Variants in ERICH6B observed in about 807,000 individuals in gnomAD.
The protein encoded by ERICH6B is glutamate rich 6B.
ERICH6B carries 69 observed loss-of-function variants against 80.0 expected under a neutral mutation model. The observed-to-expected ratio is 0.86, with a 90% CI of 0.71 to 1.05. ERICH6B has a LOEUF of 1.05. Among genes scored for constraint, ERICH6B ranks in the 50% least tolerant of loss-of-function variants. The pLI is 0.00. For missense variants in ERICH6B, 754 were observed against 796.1 expected (o/e 0.95, Z 0.64); for synonymous variants, 283 against 291.9 (o/e 0.97, Z 0.31).
intron 2 of ERICH6B, among the ~76,000 whole-genome samples, chr13:45,606,542 TATA>T (rs1949866329): frequency 6.9e-3 from 120 of 17,374 alleles, no homozygotes; most frequent in Non-Finnish European, 0.012. Flanking sequence ...TATATATATA[TATA>T]TATTTTTTTT....
chr13:45,555,004 G>C (rs141707228), intron 11 of ERICH6B, among the ~76,000 whole-genome samples: 242 of 152,324 alleles, frequency 1.6e-3, no homozygotes, highest in Non-Finnish European at 3.1e-3. Context: ...TGGTAGGTGA[G>C]AGAGGATCCT....
intron 11 of ERICH6B, among the ~76,000 whole-genome samples, chr13:45,558,827 G>A (rs374041802): frequency 1.1e-4 from 17 of 152,182 alleles, no homozygotes; most frequent in African/African-American, 3.6e-4. Flanking sequence ...TATTGGATTC[G>A]GTTAGTTAGT....
intron 9 of ERICH6B, among the ~76,000 whole-genome samples, chr13:45,567,599 C>T (rs1451229340): frequency 6.6e-6 from 1 of 152,228 alleles, no homozygotes; most frequent in African/African-American, 2.4e-5. Flanking sequence ...TCACCTTCTG[C>T]CATGATTGTG....
chr13:45,608,972 C>G (rs931365935), intron 1 of ERICH6B, among the ~76,000 whole-genome samples: 1 of 152,178 alleles, frequency 6.6e-6, no homozygotes, highest in African/African-American at 2.4e-5. Flanking sequence ...CCCAAACCCA[C>G]GAATCAATCC....
intron 14 of ERICH6B, 30 bp downstream of exon 14, chr13:45,544,730 G>T: frequency 2.6e-6 from 4 of 1,538,890 alleles, no homozygotes; most frequent in Non-Finnish European, 3.5e-6. Context: ...CACCCCACCT[G>T]GTGGAGGGTA....
chr13:45,605,639 G>A (rs1484277214), intron 2 of ERICH6B, among the ~76,000 whole-genome samples: 1 of 152,230 alleles, frequency 6.6e-6, no homozygotes, highest in African/African-American at 2.4e-5. Flanking sequence ...AATGTCATGT[G>A]TGTTTTGGAG....
intron 3 of ERICH6B, among the ~76,000 whole-genome samples, chr13:45,595,133 C>T (rs2138020079): frequency 6.6e-6 from 1 of 152,272 alleles, no homozygotes; most frequent in African/African-American, 2.4e-5. Context: ...AATGGGTATC[C>T]TGAGAAGCAT....
At chr13:45,568,965 G>A (rs1875038180) in intron 8 of ERICH6B, among the ~76,000 whole-genome samples, 1 of 152,134 alleles carries the variant, frequency 6.6e-6, no homozygotes, top group Non-Finnish European at 1.5e-5. Flanking sequence ...TGCTTTAAGA[G>A]CGTAACAAGT....
In ERICH6B at chr13:45,541,340, C is replaced by T. The variant is rs1354157904; in HGVS notation, c.*122G>A. 2.4e-6 allele frequency: 2 copies of T among 816,790 alleles called. No homozygotes were observed. Among genetic ancestry groups the T allele is most frequent in the East Asian group, 2.7e-5 (1 of 37,364 alleles). The allele number at this position is 816,790 out of a possible 1,614,324, so 50.6% of individuals were successfully genotyped here. On this transcript the variant is annotated 3_prime_UTR_variant, in exon 15 of 15. Coordinates refer to ENST00000298738, the MANE Select transcript of ERICH6B (RefSeq NM_182542.3). ...TTTACTTCAAATCAAGGAGCCACGACAGGTCCCAAATTACAAACCAACTCT... is the reference window on the plus strand; with the variant it reads ...TTTACTTCAAATCAAGGAGCCACGATAGGTCCCAAATTACAAACCAACTCT...
chr13:45,602,548 G>A (rs1949833359), intron 2 of ERICH6B, among the ~76,000 whole-genome samples: 1 of 152,134 alleles, frequency 6.6e-6, no homozygotes, highest in African/African-American at 2.4e-5. Flanking sequence ...CCTTTTAAGG[G>A]TTTGAAGGTA....
At chr13:45,603,051 G>A (rs1055705334) in intron 2 of ERICH6B, among the ~76,000 whole-genome samples, 2 of 152,214 alleles carry the variant, frequency 1.3e-5, no homozygotes, top group East Asian at 1.9e-4. Flanking sequence ...AGACATGGAG[G>A]AGGGGGGCCC....
rs1876413608 is a variant in ERICH6B, at chr13:45,596,834, C to T, written c.172G>A (p.Asp58Asn). The change falls in exon 3 of 15, where the codon GAC becomes AAC. Residue 58 changes from aspartate (D) to asparagine (N), a missense_variant. Asp to Asn is a conservative substitution (Grantham distance 23, BLOSUM62 1). Coordinates refer to ENST00000298738, the MANE Select transcript of ERICH6B (RefSeq NM_182542.3). Reference sequence around the variant, plus strand: ...TCTTCCTCCTCCAGATACTCTTTGTCCTCCAGAGACTCTCCCTCTGGAGAA... The same window carrying T: ...TCTTCCTCCTCCAGATACTCTTTGTTCTCCAGAGACTCTCCCTCTGGAGAA... ...PFSPEGESLE[D>N]KEYLEEEEDL... The T allele has an allele frequency of 1.3e-6, 2 of 1,551,814 alleles. No individual in the cohort carries two copies. Among genetic ancestry groups the T allele is most frequent in the East Asian group, 2.4e-5 (1 of 40,926 alleles).
At chr13:45,558,181 T>C (rs1874516400) in intron 11 of ERICH6B, among the ~76,000 whole-genome samples, 1 of 152,184 alleles carries the variant, frequency 6.6e-6, no homozygotes, top group Non-Finnish European at 1.5e-5. Flanking sequence ...ATGTATTTTA[T>C]TTTATTTTTT....
intron 3 of ERICH6B, among the ~76,000 whole-genome samples, chr13:45,593,280 G>A (rs535557870): frequency 6.6e-6 from 1 of 152,146 alleles, no homozygotes; most frequent in South Asian, 2.1e-4. Flanking sequence ...ATGAGTGGAG[G>A]GTGCAGATCC....
intron 2 of ERICH6B, among the ~76,000 whole-genome samples, chr13:45,606,496 AGTGTAT>A (rs1415269993): frequency 0.013 from 203 of 15,334 alleles, 14 homozygotes; most frequent in African/African-American, 0.031. Context: ...AGATCCCAAA[AGTGTAT>A]GTGTATATAT....
chr13:45,594,795 C>T (rs1021326062), intron 3 of ERICH6B, among the ~76,000 whole-genome samples: 11 of 152,160 alleles, frequency 7.2e-5, no homozygotes, highest in African/African-American at 2.7e-4. Flanking sequence ...GGTAGCAGAA[C>T]CGGATCCAGA....
intron 7 of ERICH6B, among the ~76,000 whole-genome samples, chr13:45,578,355 A>C (rs1374376828): frequency 1.3e-5 from 2 of 152,224 alleles, no homozygotes; most frequent in African/African-American, 4.8e-5. Context: ...CTTGAGCCCA[A>C]GCTCTTTCTC....
chr13:45,589,741 T>C (rs1876078497), intron 4 of ERICH6B, among the ~76,000 whole-genome samples: 1 of 152,342 alleles, frequency 6.6e-6, no homozygotes, highest in South Asian at 2.1e-4. Context: ...TCTGGGCACA[T>C]TGCTTCACTT....
intron 3 of ERICH6B, among the ~76,000 whole-genome samples, chr13:45,591,591 A>G (rs1447070407): frequency 2.6e-5 from 4 of 152,158 alleles, no homozygotes; most frequent in South Asian, 2.1e-4. Flanking sequence ...GCAAGACTCC[A>G]TCTCAAAAAC....
Sources: allele counts gnomAD v4.1 joint callset (sites outside exome capture counted in the v4.1 genomes callset), GRCh38; gene constraint gnomAD v4.1.1; transcripts MANE v1.5; gene names NCBI Gene and HGNC (gene_info 2026-07-23, HGNC 2026-07-21).